The following KANK2 variants were observed in gnomAD, a reference collection of about 807,000 sequenced individuals.
KANK2 encodes KN motif and ankyrin repeat domain-containing protein 2.
Under a neutral mutation model 74.6 loss-of-function variants are expected in KANK2, and 41 were observed. That is an observed-to-expected ratio of 0.55 (90% confidence interval 0.43 to 0.71). The LOEUF is 0.71. KANK2 is among the 30% of genes least tolerant of loss of function. The probability of loss-of-function intolerance (pLI) is 0.00; values close to 1 mark genes in which losing one functional copy is unlikely to be tolerated. For missense variants in KANK2, 1,148 were observed against 1,196.4 expected (o/e 0.96, Z 0.60); for synonymous variants, 537 against 519.0 (o/e 1.03, Z -0.47).
intron 4 of KANK2, among the ~76,000 whole-genome samples, chr19:11,191,164 C>T (rs113176683): frequency 0.011 from 1,720 of 151,746 alleles, 34 homozygotes; most frequent in East Asian, 0.068. Flanking sequence ...CCTCAGCCTC[C>T]GGAGTAGCTG....
chr19:11,172,312 C>G (rs984662836), intron 10 of KANK2, among the ~76,000 whole-genome samples: 1 of 152,104 alleles, frequency 6.6e-6, no homozygotes, highest in South Asian at 2.1e-4. Context: ...AAAAAAATTT[C>G]TTGGAAATTA....
Position 11,192,792 on chromosome 19 carries a change from C to G in KANK2, c.1249+39G>C, listed in dbSNP as rs201979549. The G allele has an allele frequency of 5.7e-3, 8,979 of 1,578,728 alleles. 452 individuals carry two copies. In the African/African-American group the frequency reaches 0.1, roughly 18 times the overall value. On this transcript the variant is annotated intron_variant, in intron 4 of 12. Transcript: ENST00000586659. Reference sequence around the variant, plus strand: ...CCATGGGAAGAAAGAGGCCCCCCCCCCCCAAGCCATTCTCCCCTGCCTGCC... The same window carrying G: ...CCATGGGAAGAAAGAGGCCCCCCCCGCCCAAGCCATTCTCCCCTGCCTGCC...
At position 11,193,173 on chromosome 19, in the gene KANK2, G is replaced by A; in HGVS notation, c.907C>T (p.Leu303=). The change falls in exon 4 of 13, where the codon CTG becomes TTG. Residue 303 remains leucine (L), a synonymous_variant. Transcript: ENST00000586659. The surrounding 1 kb of genome is among the most constrained non-coding windows in gnomAD (Gnocchi z 9.6). ...GCCTGCCGGGCCTGAGCTGCCTGCA[G>A]CTCCTGCAGCGCCTTCTTGAGCTGG... is the stretch of plus-strand genomic sequence containing the variant. The part of the protein sequence containing the change: ...ETQLKKALQE[L]QAAQARQADP... The A allele has an allele frequency of 6.2e-7, 1 of 1,610,408 alleles. No homozygotes were observed. The highest frequency in any genetic ancestry group is 8.5e-7 in the Non-Finnish European group (1 of 1,179,392).
At position 11,170,023 on chromosome 19, in the gene KANK2, G is replaced by T; in HGVS notation, c.2412+25C>A. On this transcript the variant is annotated intron_variant, in intron 11 of 12. Coordinates refer to ENST00000586659, the MANE Select transcript of KANK2 (RefSeq NM_001136191.3). This position sits in a 1 kb window ranked among gnomAD's most constrained non-coding sequence, Gnocchi z 5.2. ...CCCATGCTGTGCTCCCGCCCTCCCC[G>T]GGGTGCACCTGGTTGGAGACTCACG... 6.2e-7 allele frequency: 1 copy of T among 1,611,986 alleles called. No homozygotes were observed. Among genetic ancestry groups the T allele is most frequent in the Non-Finnish European group, 8.5e-7 (1 of 1,178,234 alleles).
intron 4 of KANK2, 60 bp downstream of exon 4, chr19:11,192,771 G>T (rs771413218): frequency 6.4e-7 from 1 of 1,564,734 alleles, no homozygotes. Context: ...GATGAGCCAT[G>T]GGAAGAAAGA....
intron 4 of KANK2, among the ~76,000 whole-genome samples, chr19:11,181,073 C>A (rs190700979): frequency 3.9e-5 from 4 of 103,032 alleles, no homozygotes; most frequent in Non-Finnish European, 7.0e-5. Flanking sequence ...GGGGATAGAG[C>A]GAGACTCTTG....
At position 11,193,575 on chromosome 19, in the gene KANK2, G is replaced by T; in HGVS notation, c.505C>A (p.Pro169Thr). The T allele has an allele frequency of 6.3e-7, 1 of 1,589,112 alleles. No individual in the cohort carries two copies. Among genetic ancestry groups the T allele is most frequent in the Non-Finnish European group, 8.6e-7 (1 of 1,169,352 alleles). Residue 169 changes from proline to threonine, a missense_variant, in exon 4 of 13, where the codon CCA becomes ACA. Physicochemically the swap from Pro to Thr is conservative, Grantham distance 38. Coordinates refer to ENST00000586659, the MANE Select transcript of KANK2 (RefSeq NM_001136191.3). The surrounding 1 kb of genome is among the most constrained non-coding windows in gnomAD (Gnocchi z 9.6). ...GGTGTGGACAGTCCTGAACTCCGTG[G>T]TGTCGGGGGTGGCAACCCCACGCCC... ...LVGVGLPPPT[P>T]RSSGLSTPVP...
rs1223460491 is a variant in KANK2 at position 11,165,572 on chromosome 19, C to CT, written c.*985dup. ...GGAGGGGTTTCTGGGTAATTTGTCTCTTTTTCTTTTCTTTCTTGAGACAGG... is the reference window on the plus strand; with the variant it reads ...GGAGGGGTTTCTGGGTAATTTGTCTCTTTTTTCTTTTCTTTCTTGAGACAGG... On this transcript the variant is annotated 3_prime_UTR_variant, in exon 13 of 13. Coordinates refer to ENST00000586659, the MANE Select transcript of KANK2 (RefSeq NM_001136191.3). 2.6e-5 allele frequency: 4 copies of CT among 151,706 alleles called. No homozygotes were observed. The highest frequency in any genetic ancestry group is 6.6e-5 in the Admixed American group (1 of 15,148). 9.4% of individuals were successfully genotyped at this position (151,706 alleles called of 1,614,324 possible). A position where few individuals can be genotyped will look rare whatever the true frequency, so the allele number is the denominator to read the frequency against.
At chr19:11,188,521 T>C (rs2078743420) in intron 4 of KANK2, among the ~76,000 whole-genome samples, 1 of 151,676 alleles carries the variant, frequency 6.6e-6, no homozygotes, top group South Asian at 2.1e-4. Flanking sequence ...AATTCTTTTT[T>C]TTTTTTTTTT....
At chr19:11,172,851 G>A (rs1400730576) in intron 10 of KANK2, 130 bp downstream of exon 10, 1 of 965,890 alleles carries the variant, frequency 1.0e-6, no homozygotes, top group African/African-American at 1.6e-5. Context: ...AAGGTCCTGT[G>A]TCAGAGACAG....
At chr19:11,180,472 AC>A (rs1756831660) in intron 4 of KANK2, among the ~76,000 whole-genome samples, 2 of 151,990 alleles carry the variant, frequency 1.3e-5, no homozygotes, top group Non-Finnish European at 2.9e-5. Flanking sequence ...CAGAACGGTG[AC>A]CAAATGCTGG....
chr19:11,177,806 T>C (rs2078388863), intron 6 of KANK2, among the ~76,000 whole-genome samples: 1 of 152,098 alleles, frequency 6.6e-6, no homozygotes, highest in African/African-American at 2.4e-5. Context: ...CACCTCCCAC[T>C]TCTCGTGTCA....
chr19:11,170,506 G>A lies in KANK2; in HGVS notation c.2212-258C>T. ...ATGATGGATACAGGTTTCCTTTGGGGGTGAAGAGAACGTTCTGGAACTAGA... is the reference window on the plus strand; with the variant it reads ...ATGATGGATACAGGTTTCCTTTGGGAGTGAAGAGAACGTTCTGGAACTAGA... On this transcript the variant is annotated intron_variant, in intron 10 of 12. Coordinates refer to ENST00000586659, the MANE Select transcript of KANK2 (RefSeq NM_001136191.3). The surrounding 1 kb of genome is among the most constrained non-coding windows in gnomAD (Gnocchi z 5.2). 1.8e-6 allele frequency: 1 copy of A among 555,134 alleles called. No individual in the cohort carries two copies. Among genetic ancestry groups the A allele is most frequent in the Admixed American group, 3.2e-5 (1 of 31,104 alleles). The allele number at this position is 555,134 out of a possible 1,614,324, so 34.4% of individuals were successfully genotyped here. A position where few individuals can be genotyped will look rare whatever the true frequency, so the allele number is the denominator to read the frequency against.
chr19:11,169,631 T>C (rs1051920184), intron 12 of KANK2: 3 of 580,566 alleles, frequency 5.2e-6, no homozygotes, highest in Non-Finnish European at 9.1e-6. Context: ...TGAAACCCCG[T>C]CTCTACTAAA....
At chr19:11,173,928 G>A (rs1307076565) in intron 9 of KANK2, among the ~76,000 whole-genome samples, 1 of 151,984 alleles carries the variant, frequency 6.6e-6, no homozygotes, top group African/African-American at 2.4e-5. Flanking sequence ...AATGAACCGG[G>A]AAGATGATGT....
rs781645572 is a variant in KANK2 at position 11,193,392 on chromosome 19, G to C, written c.688C>G (p.Leu230Val). The change falls in exon 4 of 13, where the codon CTT becomes GTT. Residue 230 changes from leucine (L) to valine (V), a missense_variant. Leu to Val is a conservative substitution (Grantham distance 32). Transcript: ENST00000586659. The surrounding 1 kb of genome is among the most constrained non-coding windows in gnomAD (Gnocchi z 9.6). ...QEEKRQLTVQ[L>V]KSQKFLGHPT... ...TGGCCCAGGAACTTCTGGCTCTTAA[G>C]TTGTACTGTGAGCTGCCGCTTTTCC... 6.2e-7 allele frequency: 1 copy of C among 1,612,892 alleles called. No homozygotes were observed.
intron 2 of KANK2, 82 bp from the exon 3 acceptor site, chr19:11,194,672 G>C (rs1204129599): frequency 1.7e-6 from 1 of 599,922 alleles, no homozygotes; most frequent in Non-Finnish European, 3.1e-6. Flanking sequence ...CTCCACAGCT[G>C]GTTCACCCAG....
At chr19:11,185,645 A>G (rs1460145193) in intron 4 of KANK2, among the ~76,000 whole-genome samples, 1 of 150,446 alleles carries the variant, frequency 6.6e-6, no homozygotes, top group Admixed American at 6.7e-5. Context: ...CTGCTCAGAG[A>G]AAAAATGGAG....
intron 4 of KANK2, among the ~76,000 whole-genome samples, chr19:11,185,877 A>G (rs1470401610): frequency 6.6e-6 from 1 of 152,114 alleles, no homozygotes; most frequent in African/African-American, 2.4e-5. Flanking sequence ...CATCTCTACA[A>G]AAAATTACCT....
Sources: allele counts gnomAD v4.1 joint callset (sites outside exome capture counted in the v4.1 genomes callset), GRCh38; gene constraint gnomAD v4.1.1; non-coding constraint Gnocchi (gnomAD v3.1); transcripts MANE v1.5; gene names NCBI Gene and HGNC (gene_info 2026-07-23, HGNC 2026-07-21).